Variants in ADAMTS12 observed in about 807,000 individuals in gnomAD.
ADAMTS12 encodes the protein A disintegrin and metalloproteinase with thrombospondin motifs 12.
A neutral mutation model predicts 167.8 loss-of-function variants in ADAMTS12; 118 were observed. That is an observed-to-expected ratio of 0.70 (90% confidence interval 0.61 to 0.82). The LOEUF (loss-of-function observed/expected upper bound fraction) is 0.82, where lower values mean the gene tolerates loss of function less well. ADAMTS12 is among the 40% of genes least tolerant of loss of function. The pLI is 0.00. For missense variants in ADAMTS12, 1,916 were observed against 1,998.8 expected (o/e 0.96, Z 0.79); for synonymous variants, 704 against 716.9 (o/e 0.98, Z 0.29).
At chr5:33,812,438 A>G (rs1747495789) in intron 2 of ADAMTS12, among the ~76,000 whole-genome samples, 1 of 152,240 alleles carries the variant, frequency 6.6e-6, no homozygotes, top group Admixed American at 6.5e-5. Context: ...TTGAATTTGT[A>G]CACAGAGAAC....
intron 2 of ADAMTS12, among the ~76,000 whole-genome samples, chr5:33,823,488 G>C (rs1008695569): frequency 6.6e-6 from 1 of 152,102 alleles, no homozygotes; most frequent in Non-Finnish European, 1.5e-5. Context: ...CAAATATAAT[G>C]ATCAATGGTG....
At chr5:33,737,146 GTTC>G (rs1561243651) in intron 3 of ADAMTS12, among the ~76,000 whole-genome samples, 1 of 152,190 alleles carries the variant, frequency 6.6e-6, no homozygotes. Context: ...AATGGCCCTT[GTTC>G]TTGTTACTGT....
At chr5:33,649,094 AGAG>A in intron 8 of ADAMTS12, 128 bp from the exon 9 acceptor site, 1 of 1,141,830 alleles carries the variant, frequency 8.8e-7, no homozygotes. Flanking sequence ...TTTACAAGGC[AGAG>A]AACTCTCTAG....
chr5:33,621,941 A>G (rs1683876912), intron 14 of ADAMTS12, among the ~76,000 whole-genome samples: 3 of 152,234 alleles, frequency 2.0e-5, no homozygotes, highest in African/African-American at 7.2e-5. Context: ...AGTTATCTCA[A>G]AAGAGGGTTG....
intron 2 of ADAMTS12, among the ~76,000 whole-genome samples, chr5:33,772,676 T>C (rs1274950352): frequency 6.6e-6 from 1 of 152,196 alleles, no homozygotes; most frequent in Non-Finnish European, 1.5e-5. Flanking sequence ...CATAAACCCT[T>C]AGCATAGTGA....
At chr5:33,729,189 A>G (rs1744089126) in intron 3 of ADAMTS12, among the ~76,000 whole-genome samples, 2 of 152,210 alleles carry the variant, frequency 1.3e-5, no homozygotes, top group African/African-American at 4.8e-5. Flanking sequence ...AACATTTTAG[A>G]GTTTATTTGA....
intron 22 of ADAMTS12, among the ~76,000 whole-genome samples, chr5:33,543,097 C>A (rs931111095): frequency 6.6e-6 from 1 of 151,994 alleles, no homozygotes; most frequent in African/African-American, 2.4e-5. Context: ...AAAAGATCAA[C>A]AAAATTGATA....
intron 2 of ADAMTS12, among the ~76,000 whole-genome samples, chr5:33,831,368 C>T (rs536159698): frequency 6.6e-6 from 1 of 152,184 alleles, no homozygotes; most frequent in Non-Finnish European, 1.5e-5. Flanking sequence ...GACTCCACCA[C>T]TAAAACCACT....
intron 18 of ADAMTS12, among the ~76,000 whole-genome samples, chr5:33,578,304 G>A (rs1485951116): frequency 1.3e-5 from 2 of 152,188 alleles, no homozygotes; most frequent in Non-Finnish European, 2.9e-5. Flanking sequence ...GTACAAGGCA[G>A]GAACTGTTAT....
chr5:33,834,304 CA>C (rs759375329), intron 2 of ADAMTS12, among the ~76,000 whole-genome samples: 3 of 152,138 alleles, frequency 2.0e-5, no homozygotes, highest in Admixed American at 6.5e-5. Context: ...GCCCAATATA[CA>C]AGAGTGTTTT....
chr5:33,594,087 C>T (rs1389203447), intron 17 of ADAMTS12, among the ~76,000 whole-genome samples: 2 of 152,178 alleles, frequency 1.3e-5, no homozygotes, highest in East Asian at 1.9e-4. Context: ...AATTGTAGCT[C>T]CCATAATTCC....
intron 2 of ADAMTS12, among the ~76,000 whole-genome samples, chr5:33,832,466 T>C (rs1748337231): frequency 6.6e-6 from 1 of 152,198 alleles, no homozygotes; most frequent in African/African-American, 2.4e-5. Flanking sequence ...CTGAAAATAA[T>C]CATTGTAATT....
intron 2 of ADAMTS12, among the ~76,000 whole-genome samples, chr5:33,817,636 T>A (rs768548748): frequency 2.0e-5 from 3 of 152,128 alleles, no homozygotes; most frequent in African/African-American, 7.2e-5. Flanking sequence ...GATTATTTTG[T>A]GGCAAATTCC....
chr5:33,642,159 G>C (rs1429060954), intron 10 of ADAMTS12, among the ~76,000 whole-genome samples: 1 of 152,252 alleles, frequency 6.6e-6, no homozygotes, highest in African/African-American at 2.4e-5. Flanking sequence ...AAGAATGGAA[G>C]GAAACTTTAC....
intron 2 of ADAMTS12, among the ~76,000 whole-genome samples, chr5:33,790,749 G>C (rs2112456782): frequency 6.9e-6 from 1 of 144,438 alleles, no homozygotes; most frequent in South Asian, 2.2e-4. Flanking sequence ...ACATATACTT[G>C]ACTCTAATCA....
At chr5:33,648,507 G>A (rs1311041296) in intron 9 of ADAMTS12, among the ~76,000 whole-genome samples, 3 of 152,202 alleles carry the variant, frequency 2.0e-5, no homozygotes, top group South Asian at 2.1e-4. Context: ...AAGAAAGGGA[G>A]CAATTTTAGG....
At chr5:33,836,372 C>G (rs1477584196) in intron 2 of ADAMTS12, among the ~76,000 whole-genome samples, 1 of 152,202 alleles carries the variant, frequency 6.6e-6, no homozygotes, top group African/African-American at 2.4e-5. Context: ...CAAATGCCAG[C>G]TAGACAGGGG....
rs1423490 is a variant in ADAMTS12, at chr5:33,799,970, G to T, written c.490-48422C>A. 6.2e-3 allele frequency among the ~76,000 whole-genome samples: 939 copies of T among 152,272 alleles called. 10 individuals are homozygous for T. The highest frequency in any genetic ancestry group is 0.022 in the African/African-American group (897 of 41,564). On this transcript the variant is annotated intron_variant, in intron 2 of 23. Coordinates refer to ENST00000504830, the MANE Select transcript of ADAMTS12 (RefSeq NM_030955.4). Reference sequence around the variant, plus strand: ...ATTTTCTGGGTTAGTGGGGAAGGGTGACCAACATTCTTGGAAATGTTCCTG... The same window carrying T: ...ATTTTCTGGGTTAGTGGGGAAGGGTTACCAACATTCTTGGAAATGTTCCTG...
At chr5:33,562,271 G>T (rs1251403807) in intron 19 of ADAMTS12, among the ~76,000 whole-genome samples, 1 of 152,182 alleles carries the variant, frequency 6.6e-6, no homozygotes, top group African/African-American at 2.4e-5. Context: ...TGGTGGTGAA[G>T]AACTCAGTCG....
Sources: gnomAD v4.1 joint callset for allele counts (sites outside exome capture counted in the v4.1 genomes callset) on GRCh38, gnomAD v4.1.1 for gene constraint, MANE v1.5 for transcripts, NCBI Gene and HGNC (gene_info 2026-07-23, HGNC 2026-07-21) for gene names.